The following SACS variants were observed in gnomAD, a reference collection of about 807,000 sequenced individuals.
The protein encoded by SACS is sacsin.
In SACS, 197 loss-of-function variants were observed where a neutral mutation model predicts 348.0. That is an observed-to-expected ratio of 0.57 (90% CI 0.50 to 0.64). The LOEUF (loss-of-function observed/expected upper bound fraction) is 0.64. Among genes scored for constraint, SACS ranks in the 30% least tolerant of loss-of-function variants. The pLI is 0.00. For synonymous variants in SACS, 1,985 were observed against 1,910.6 expected, an observed-to-expected ratio of 1.04 and a Z score of -1.02; for missense variants, 4,999 against 5,360.8, an observed-to-expected ratio of 0.93 and a Z score of 2.11.
intron 2 of SACS, among the ~76,000 whole-genome samples, chr13:23,378,277 T>TA (rs1315419599): frequency 6.6e-6 from 1 of 152,154 alleles, no homozygotes; most frequent in African/African-American, 2.4e-5. Context: ...GGGCTGGAAA[T>TA]ACAGTCACGC....
chr13:23,365,860 GA>G (rs1421630952), intron 5 of SACS, among the ~76,000 whole-genome samples: 1 of 152,122 alleles, frequency 6.6e-6, no homozygotes, highest in Non-Finnish European at 1.5e-5. Flanking sequence ...CTTTCATCAA[GA>G]AGAAAGCACT....
chr13:23,384,983 C>A (rs146061406), intron 2 of SACS, among the ~76,000 whole-genome samples: 1 of 151,954 alleles, frequency 6.6e-6, no homozygotes. Context: ...CATTCCTGGC[C>A]GGGCATGGTG....
At position 23,329,650 on chromosome 13, in the gene SACS, T is replaced by C. The variant is rs898969903; in HGVS notation, c.*486A>G. ...ACATAAAATTACAACAAATTCATGA[T>C]CAGAGCCAGCTGATGAGAAAATAAC... is the stretch of plus-strand genomic sequence containing the variant. On this transcript the variant is annotated 3_prime_UTR_variant, in exon 10 of 10. Transcript: ENST00000382292. The C allele has an allele frequency of 1.9e-6, 1 of 536,912 alleles. No homozygotes were observed. Among genetic ancestry groups the C allele is most frequent in the Non-Finnish European group, 3.2e-6 (1 of 309,234 alleles). The allele number at this position is 536,912 out of a possible 1,614,324, so 33.3% of individuals were successfully genotyped here. A position where few individuals can be genotyped will look rare whatever the true frequency, so the allele number is the denominator to read the frequency against.
chr13:23,369,788 G>A (rs976029140), intron 4 of SACS, among the ~76,000 whole-genome samples: 9 of 151,350 alleles, frequency 5.9e-5, no homozygotes, highest in African/African-American at 1.5e-4. Context: ...CTTGTGATCC[G>A]CCCTCCACAG....
At position 23,337,531 on chromosome 13, in the gene SACS, G is replaced by A. The variant is rs540306663; in HGVS notation, c.6345C>T (p.His2115=). ...ATAACTTTGCAACTCGTCCTTCGGG[G>A]TGGATCAATCTTGATGGCAAAACCA... is the stretch of plus-strand genomic sequence containing the variant. ...HPLVLPSRLI[H]PEGRVAKLFD... is the part of the protein sequence containing the mutation. The change falls in exon 10 of 10, where the codon CAC becomes CAT. Residue 2115 remains histidine (H), a synonymous_variant. Transcript: ENST00000382292. 4 of 1,613,874 alleles carry A rather than the reference G, an allele frequency of 2.5e-6. No homozygotes were observed. The African/African-American group carries it at 4.0e-5, about 16-fold the overall frequency.
Position 23,338,089 on chromosome 13 carries a change from C to A in SACS, c.5787G>T (p.Arg1929=). Residue 1929 remains arginine, a synonymous_variant, in exon 10 of 10, where the codon CGG becomes CGT. Transcript: ENST00000382292. Reference sequence around the variant, plus strand: ...TTAGCTCCCCACTAGTGGCCAGGTCCCGTAAGACACTCAGTACCTGTAAGT... The same window carrying A: ...TTAGCTCCCCACTAGTGGCCAGGTCACGTAAGACACTCAGTACCTGTAAGT... ...KAYLQVLSVL[R]DLATSGELMD... 6.2e-7 allele frequency: 1 copy of A among 1,614,044 alleles called. No homozygotes were observed. The highest frequency in any genetic ancestry group is 8.5e-7 in the Non-Finnish European group (1 of 1,179,960).
At chr13:23,360,005 C>G (rs1870629971) in intron 6 of SACS, among the ~76,000 whole-genome samples, 1 of 152,174 alleles carries the variant, frequency 6.6e-6, no homozygotes, top group African/African-American at 2.4e-5. Context: ...AGTGGGGACT[C>G]TGCAGTCAGG....
chr13:23,338,821 AATG>A lies in SACS; in HGVS notation c.5052_5054del (p.Ile1685del). On this transcript the variant is annotated inframe_deletion, in exon 10 of 10. Transcript: ENST00000382292. ...ACATTGACTTTACACTCTGAGTGAA[AATG>A]ATAAGCCTGTGTCCACAGAGACTAA... The A allele has an allele frequency of 6.2e-7, 1 of 1,613,038 alleles. No individual in the cohort carries two copies. The highest frequency in any genetic ancestry group is 8.5e-7 in the Non-Finnish European group (1 of 1,179,948).
chr13:23,407,773 C>T (rs1873297096), intron 2 of SACS, among the ~76,000 whole-genome samples: 1 of 152,202 alleles, frequency 6.6e-6, no homozygotes, highest in African/African-American at 2.4e-5. Context: ...TGCCTTTGAC[C>T]TGCCTAGCCC....
At chr13:23,395,754 T>C (rs1393638120) in intron 2 of SACS, among the ~76,000 whole-genome samples, 1 of 152,226 alleles carries the variant, frequency 6.6e-6, no homozygotes, top group Non-Finnish European at 1.5e-5. Context: ...CCTTATTCTA[T>C]CTGTCAGAAA....
intron 2 of SACS, chr13:23,375,531 G>A (rs1465337458): frequency 1.3e-5 from 14 of 1,086,074 alleles, no homozygotes; most frequent in South Asian, 4.5e-5. Context: ...AAGCCGCGGC[G>A]GCCGAGGAGC....
chr13:23,336,769 T>G lies in SACS; in HGVS notation c.7107A>C (p.Pro2369=), dbSNP rs1212578322. The G allele has an allele frequency of 1.9e-5, 31 of 1,613,902 alleles. No individual in the cohort carries two copies. The highest frequency in any genetic ancestry group is 2.6e-5 in the Non-Finnish European group (31 of 1,179,868). ...ACTTATTAGGCAACTGATAAAGGTA[T>G]GGTGCCGCCTCAAAATTTAAATGAA... ...VSFHLNFEAA[P]YLYQLPNKYK... is the part of the protein sequence containing the mutation. Residue 2369 remains proline, a synonymous_variant, in exon 10 of 10, where the codon CCA becomes CCC. Coordinates refer to ENST00000382292, the MANE Select transcript of SACS (RefSeq NM_014363.6).
chr13:23,433,222 A>G (rs1397703026), intron 1 of SACS, among the ~76,000 whole-genome samples: 1 of 152,132 alleles, frequency 6.6e-6, no homozygotes, highest in Non-Finnish European at 1.5e-5. Context: ...TTACTGCAAC[A>G]GCTCCATTGT....
chr13:23,337,806 G>C lies in SACS; in HGVS notation c.6070C>G (p.Leu2024Val), dbSNP rs758895050. The C allele has an allele frequency of 3.7e-6, 6 of 1,613,898 alleles. No homozygotes were observed. Among genetic ancestry groups the C allele is most frequent in the Non-Finnish European group, 4.2e-6 (5 of 1,179,952 alleles). ...KYLKKTGSKNLCAVELPSSVK... is the reference protein window; with the variant it reads ...KYLKKTGSKNVCAVELPSSVK... Reference sequence around the variant, plus strand: ...GAAGAAGGAAGTTCAACAGCACAAAGGTTTTTGGACCCAGTCTTCTTGAGG... The same window carrying C: ...GAAGAAGGAAGTTCAACAGCACAAACGTTTTTGGACCCAGTCTTCTTGAGG... Residue 2024 changes from leucine (L) to valine (V), a missense_variant, in exon 10 of 10, where the codon CTT (leucine) becomes GTT (valine). Leu to Val is a conservative substitution (Grantham distance 32, BLOSUM62 1). Coordinates refer to ENST00000382292, the MANE Select transcript of SACS (RefSeq NM_014363.6).
intron 1 of SACS, chr13:23,427,132 T>A (rs929117674): frequency 2.6e-5 from 4 of 152,318 alleles, no homozygotes; most frequent in Admixed American, 1.3e-4. Context: ...ATGAACTGTA[T>A]CACCGCAACA....
At chr13:23,349,371 A>G (rs1869813464) in intron 9 of SACS, among the ~76,000 whole-genome samples, 1 of 152,220 alleles carries the variant, frequency 6.6e-6, no homozygotes, top group African/African-American at 2.4e-5. Flanking sequence ...AATGAGAAAC[A>G]GATTTGGGGA....
intron 2 of SACS, among the ~76,000 whole-genome samples, chr13:23,401,133 T>C (rs1405024124): frequency 6.6e-6 from 1 of 152,146 alleles, no homozygotes; most frequent in African/African-American, 2.4e-5. Flanking sequence ...ATATTTTTAG[T>C]CATAATTCTA....
intron 9 of SACS, among the ~76,000 whole-genome samples, chr13:23,352,510 C>T (rs377347158): frequency 2.9e-3 from 436 of 152,238 alleles, no homozygotes; most frequent in Middle Eastern, 0.01. Context: ...TAATCTTCTG[C>T]GTTCTGATCT....
chr13:23,384,092 C>A lies in SACS; in HGVS notation c.21-8823G>T, dbSNP rs1446200025. 3.3e-5 allele frequency among the ~76,000 whole-genome samples: 5 copies of A among 152,326 alleles called. No homozygotes were observed. In the East Asian group the frequency reaches 9.6e-4, roughly 29 times the overall value. On this transcript the variant is annotated intron_variant, in intron 2 of 9. Coordinates refer to ENST00000382292, the MANE Select transcript of SACS (RefSeq NM_014363.6). ...GTGCATGAATGGGGTATTAGAAACA[C>A]TCCTTCACATTTCAGGAGGTAGCAA... is the stretch of plus-strand genomic sequence containing the variant.
Sources: allele counts gnomAD v4.1 joint callset (sites outside exome capture counted in the v4.1 genomes callset), GRCh38; gene constraint gnomAD v4.1.1; transcripts MANE v1.5; gene names NCBI Gene and HGNC (gene_info 2026-07-23, HGNC 2026-07-21).